Variants in PCDHGA11 observed in about 807,000 individuals in gnomAD.
The protein encoded by PCDHGA11 is protocadherin gamma-A11.
In PCDHGA11, 39 loss-of-function variants were observed where a neutral mutation model predicts 60.4. That is an observed-to-expected ratio of 0.65 (90% CI 0.50 to 0.84). The LOEUF is 0.84. PCDHGA11 is among the 40% of genes least tolerant of loss of function. The probability of loss-of-function intolerance (pLI) is 0.00; values close to 1 mark genes in which losing one functional copy is unlikely to be tolerated. For synonymous variants in PCDHGA11, 533 were observed against 510.3 expected (o/e 1.04, Z -0.60); for missense variants, 1,165 against 1,197.7 (o/e 0.97, Z 0.40).
At chr5:141,484,425 A>G (rs2099596309) in intron 1 of PCDHGA11, among the ~76,000 whole-genome samples, 3 of 152,192 alleles carry the variant, frequency 2.0e-5, no homozygotes, top group African/African-American at 7.2e-5. Flanking sequence ...TACAATGAGA[A>G]CATGTACTGC....
chr5:141,455,529 G>A (rs2098825323), intron 1 of PCDHGA11, among the ~76,000 whole-genome samples: 1 of 152,146 alleles, frequency 6.6e-6, no homozygotes, highest in Non-Finnish European at 1.5e-5. Flanking sequence ...GGTTTGACCA[G>A]GCATATCATT....
In PCDHGA11 at chr5:141,422,335, C is replaced by T. The variant is rs1196951059; in HGVS notation, c.1108C>T (p.Leu370=). 1 of 1,549,804 alleles carries T rather than the reference C, an allele frequency of 6.5e-7. No homozygotes were observed. Among genetic ancestry groups the T allele is most frequent in the Non-Finnish European group, 8.7e-7 (1 of 1,154,118 alleles). Residue 370 remains leucine, a synonymous_variant, in exon 1 of 4, where the codon CTA becomes TTA. Transcript: ENST00000398587. ...NSPPGTVIAL[L]NVQDQDSGEN... is the part of the protein sequence containing the mutation. ...TCCTCCAGGTACAGTGATTGCTCTT[C>T]TAAATGTGCAAGATCAAGATTCTGG...
rs113107293 is a variant in PCDHGA11, at chr5:141,432,844, A to G, written c.2433+9184A>G. ...CAGACCTCACTCTGTACCTGGTGGTAGCGGTGGCCGCGGTCTCCTGCGTCT... is the reference window on the plus strand; with the variant it reads ...CAGACCTCACTCTGTACCTGGTGGTGGCGGTGGCCGCGGTCTCCTGCGTCT... On this transcript the variant is annotated intron_variant, in intron 1 of 3. Coordinates refer to ENST00000398587, the MANE Select transcript of PCDHGA11 (RefSeq NM_018914.3). This position sits in a 1 kb window ranked among gnomAD's most constrained non-coding sequence, Gnocchi z 6.0. 0.01 allele frequency: 16,860 copies of G among 1,614,178 alleles called. 121 individuals carry two copies. Among genetic ancestry groups the G allele is most frequent in the Non-Finnish European group, 0.012 (14,441 of 1,180,006 alleles).
At position 141,485,541 on chromosome 5, in the gene PCDHGA11, T is replaced by A; in HGVS notation, c.2434-9266T>A. 2 of 1,613,902 alleles carry A rather than the reference T, an allele frequency of 1.2e-6. No homozygotes were observed. Among genetic ancestry groups the A allele is most frequent in the Non-Finnish European group, 1.7e-6 (2 of 1,179,958 alleles). ...GAAATGTACCGAGCAGAGGTAGAGATCGTAGATGTGAATGATCACGCCCCC... is the reference window on the plus strand; with the variant it reads ...GAAATGTACCGAGCAGAGGTAGAGAACGTAGATGTGAATGATCACGCCCCC... On this transcript the variant is annotated intron_variant, in intron 1 of 3. Coordinates refer to ENST00000398587, the MANE Select transcript of PCDHGA11 (RefSeq NM_018914.3). The surrounding 1 kb of genome is among the most constrained non-coding windows in gnomAD (Gnocchi z 5.7).
intron 1 of PCDHGA11, chr5:141,423,962 C>A: frequency 1.7e-6 from 2 of 1,168,402 alleles, no homozygotes; most frequent in South Asian, 4.2e-5. Context: ...TATTATTTTT[C>A]TATTATCAGT....
At position 141,491,798 on chromosome 5, in the gene PCDHGA11, G is replaced by A. The variant is rs1269524283; in HGVS notation, c.2434-3009G>A. 1 of 1,506,648 alleles carries A rather than the reference G, an allele frequency of 6.6e-7. No homozygotes were observed. The highest frequency in any genetic ancestry group is 8.9e-7 in the Non-Finnish European group (1 of 1,128,050). The allele number at this position is 1,506,648 out of a possible 1,614,324, so 93.3% of individuals were successfully genotyped here. ...TTGAACTTGCATCCACTCCTCTCCG[G>A]CCGGCTTGGTCGCTGGCTGCGCTCC... On this transcript the variant is annotated intron_variant, in intron 1 of 3. Coordinates refer to ENST00000398587, the MANE Select transcript of PCDHGA11 (RefSeq NM_018914.3). This position sits in a 1 kb window ranked among gnomAD's most constrained non-coding sequence, Gnocchi z 6.9.
chr5:141,448,786 A>C (rs1354591718), intron 1 of PCDHGA11, among the ~76,000 whole-genome samples: 1 of 148,848 alleles, frequency 6.7e-6, no homozygotes, highest in African/African-American at 2.5e-5. Flanking sequence ...TAAAAATACA[A>C]AAAAAAAAAT....
Position 141,486,390 on chromosome 5 carries a change from C to G in PCDHGA11, c.2434-8417C>G. 6.2e-7 allele frequency: 1 copy of G among 1,614,138 alleles called. No individual in the cohort carries two copies. The highest frequency in any genetic ancestry group is 8.5e-7 in the Non-Finnish European group (1 of 1,179,996). Reference sequence around the variant, plus strand: ...AAGTCTGCCTTCAGGAACCAGTTCTCCCTGGTGACTGCTGGACCCTTGGAT... The same window carrying G: ...AAGTCTGCCTTCAGGAACCAGTTCTGCCTGGTGACTGCTGGACCCTTGGAT... On this transcript the variant is annotated intron_variant, in intron 1 of 3. Coordinates refer to ENST00000398587, the MANE Select transcript of PCDHGA11 (RefSeq NM_018914.3). This position sits in a 1 kb window ranked among gnomAD's most constrained non-coding sequence, Gnocchi z 5.0.
intron 2 of PCDHGA11, among the ~76,000 whole-genome samples, chr5:141,502,719 C>G (rs1242423173): frequency 1.3e-5 from 2 of 152,190 alleles, no homozygotes; most frequent in Non-Finnish European, 2.9e-5. Flanking sequence ...TCAGTGATTA[C>G]AAAGCGGTGA....
rs2096595246 is a variant in PCDHGA11 at position 141,421,719 on chromosome 5, C to T, written c.492C>T (p.Gly164=). ...CTAATGCTAGGGATCCAGATGTGGG[C>T]GTGAACTCCCTCCAGAGCTACCAGC... ...ALPNARDPDV[G]VNSLQSYQLS... The change falls in exon 1 of 4, where the codon GGC becomes GGT. Residue 164 remains glycine (G), a synonymous_variant. Transcript: ENST00000398587. 6.2e-7 allele frequency: 1 copy of T among 1,613,942 alleles called. No homozygotes were observed. Among genetic ancestry groups the T allele is most frequent in the Non-Finnish European group, 8.5e-7 (1 of 1,179,882 alleles).
At chr5:141,492,197 TA>T (rs2099738125) in intron 1 of PCDHGA11, among the ~76,000 whole-genome samples, 1 of 152,200 alleles carries the variant, frequency 6.6e-6, no homozygotes, top group African/African-American at 2.4e-5. Flanking sequence ...CTGCGGGACT[TA>T]GGTGTGCGCG....
intron 1 of PCDHGA11, chr5:141,427,612 T>G (rs975527074): frequency 2.9e-6 from 2 of 691,298 alleles, no homozygotes; most frequent in African/African-American, 1.8e-5. Flanking sequence ...ATTGGTGAAG[T>G]CAACGACAAT....
At position 141,478,208 on chromosome 5, in the gene PCDHGA11, C is replaced by G. The variant is rs200735608; in HGVS notation, c.2434-16599C>G. The G allele has an allele frequency of 2.5e-6, 4 of 1,614,096 alleles. No individual in the cohort carries two copies. The East Asian group carries it at 8.9e-5, about 36-fold the overall frequency. ...TCTCACCTTTTATCTACTTCTTTCTCTAATCCTGGTTTCTGTGGGGTTTGT... is the reference window on the plus strand; with the variant it reads ...TCTCACCTTTTATCTACTTCTTTCTGTAATCCTGGTTTCTGTGGGGTTTGT... On this transcript the variant is annotated intron_variant, in intron 1 of 3. Coordinates refer to ENST00000398587, the MANE Select transcript of PCDHGA11 (RefSeq NM_018914.3).
Position 141,477,201 on chromosome 5 carries a change from C to T in PCDHGA11, c.2434-17606C>T, listed in dbSNP as rs1269388368. 6.2e-7 allele frequency: 1 copy of T among 1,614,076 alleles called. No homozygotes were observed. Among genetic ancestry groups the T allele is most frequent in the Non-Finnish European group, 8.5e-7 (1 of 1,180,056 alleles). On this transcript the variant is annotated intron_variant, in intron 1 of 3. Transcript: ENST00000398587. The surrounding 1 kb of genome is among the most constrained non-coding windows in gnomAD (Gnocchi z 4.9). ...GTCACCTCCGTGTACAGCCCAGTAC[C>T]CGAGGATGCCCCTCTGGGGACTGTC... is the stretch of plus-strand genomic sequence containing the variant.
chr5:141,493,560 C>T lies in PCDHGA11; in HGVS notation c.2434-1247C>T, dbSNP rs1222578153. ...TTATCCTTTTGGAGATTGAGTTCCCCCAGCTCCGTTTCCTCCTATCACAAT... is the reference window on the plus strand; with the variant it reads ...TTATCCTTTTGGAGATTGAGTTCCCTCAGCTCCGTTTCCTCCTATCACAAT... On this transcript the variant is annotated intron_variant, in intron 1 of 3. Transcript: ENST00000398587. The surrounding 1 kb of genome is among the most constrained non-coding windows in gnomAD (Gnocchi z 4.3). Among the ~76,000 whole-genome samples, 4 of 152,162 alleles carry T rather than the reference C, an allele frequency of 2.6e-5. No individual in the cohort carries two copies. The highest frequency in any genetic ancestry group is 2.1e-4 in the South Asian group (1 of 4,830).
At chr5:141,494,991 G>A in intron 2 of PCDHGA11, 126 bp downstream of exon 2, 1 of 1,551,148 alleles carries the variant, frequency 6.4e-7, no homozygotes, top group Non-Finnish European at 8.7e-7. Context: ...AGATCCCAGG[G>A]AGGTCTTGGT....
chr5:141,486,828 G>A lies in PCDHGA11; in HGVS notation c.2434-7979G>A, dbSNP rs140257646. 77 of 1,614,218 alleles carry A rather than the reference G, an allele frequency of 4.8e-5. 1 individual carries two copies. In the East Asian group the frequency reaches 1.2e-3, roughly 26 times the overall value. On this transcript the variant is annotated intron_variant, in intron 1 of 3. Transcript: ENST00000398587. This position sits in a 1 kb window ranked among gnomAD's most constrained non-coding sequence, Gnocchi z 5.0. ...CCCCTTAGCAGCACTGTAACAGTTCGTCTATTTGTGCTGGACCTCAATGAC... is the reference window on the plus strand; with the variant it reads ...CCCCTTAGCAGCACTGTAACAGTTCATCTATTTGTGCTGGACCTCAATGAC...
In PCDHGA11 at chr5:141,422,970, C is replaced by T. The variant is rs1348343583; in HGVS notation, c.1743C>T (p.Arg581=). 2 of 1,614,246 alleles carry T rather than the reference C, an allele frequency of 1.2e-6. No individual in the cohort carries two copies. Among genetic ancestry groups the T allele is most frequent in the East Asian group, 2.2e-5 (1 of 44,876 alleles). ...CCACTGGCGTGGAGCTGGCGCCCCG[C>T]TCTGCGGAACCTGGCTACCTGGTGA... ...DGSTGVELAP[R]SAEPGYLVTK... The change falls in exon 1 of 4, where the codon CGC becomes CGT. Residue 581 remains arginine, a synonymous_variant. Transcript: ENST00000398587.
At chr5:141,427,461 G>A (rs1397917549) in intron 1 of PCDHGA11, 1 of 497,998 alleles carries the variant, frequency 2.0e-6, no homozygotes, top group Admixed American at 2.3e-5. Context: ...TTTTAGAATC[G>A]AATCTTCCGC....
Sources: allele counts gnomAD v4.1 joint callset (sites outside exome capture counted in the v4.1 genomes callset), GRCh38; gene constraint gnomAD v4.1.1; non-coding constraint Gnocchi (gnomAD v3.1); transcripts MANE v1.5; gene names NCBI Gene and HGNC (gene_info 2026-07-23, HGNC 2026-07-21).